The following ATP6V1H variants were observed in gnomAD, a reference collection of about 807,000 sequenced individuals.
The protein encoded by ATP6V1H is V-type proton ATPase subunit H.
A neutral mutation model predicts 71.7 loss-of-function variants in ATP6V1H; 39 were observed. That is an observed-to-expected ratio of 0.54 (90% confidence interval 0.42 to 0.71). The LOEUF is 0.71. Ranked by LOEUF, ATP6V1H falls within the 30% of genes least tolerant of loss-of-function variation. The probability of loss-of-function intolerance (pLI) is 0.00; values close to 1 mark genes in which losing one functional copy is unlikely to be tolerated. For missense variants in ATP6V1H, 509 were observed against 594.9 expected (o/e 0.86, Z 1.50); for synonymous variants, 192 against 199.3 (o/e 0.96, Z 0.31).
chr8:53,792,603 G>A (rs768766405), intron 9 of ATP6V1H, among the ~76,000 whole-genome samples: 7 of 151,950 alleles, frequency 4.6e-5, no homozygotes, highest in Non-Finnish European at 7.4e-5. Flanking sequence ...AAAATGCATC[G>A]AGACAAGAAA....
chr8:53,729,799 A>C (rs545348931), intron 13 of ATP6V1H, among the ~76,000 whole-genome samples: 2 of 152,330 alleles, frequency 1.3e-5, no homozygotes, highest in African/African-American at 4.8e-5. Context: ...GCTCTGTGGA[A>C]GTCCTTCAAA....
chr8:53,802,889 G>A (rs1269399903), intron 7 of ATP6V1H, among the ~76,000 whole-genome samples: 1 of 152,166 alleles, frequency 6.6e-6, no homozygotes, highest in African/African-American at 2.4e-5. Context: ...CAATAACATT[G>A]TCCCTTAGAA....
intron 13 of ATP6V1H, among the ~76,000 whole-genome samples, chr8:53,717,424 C>T (rs1477517205): frequency 6.6e-6 from 1 of 152,194 alleles, no homozygotes; most frequent in Non-Finnish European, 1.5e-5. Context: ...TGAAGCATCC[C>T]AGGACATGAA....
At chr8:53,812,427 C>T (rs1038633257) in intron 6 of ATP6V1H, among the ~76,000 whole-genome samples, 2 of 152,212 alleles carry the variant, frequency 1.3e-5, no homozygotes, top group African/African-American at 2.4e-5. Flanking sequence ...TTTACTTCCA[C>T]TAGTGATGAG....
intron 13 of ATP6V1H, among the ~76,000 whole-genome samples, chr8:53,734,243 G>T (rs1051234208): frequency 6.6e-6 from 1 of 152,202 alleles, no homozygotes; most frequent in African/African-American, 2.4e-5. Context: ...GTATCAGAAA[G>T]CCCTGTCGAG....
At chr8:53,788,126 T>C (rs1809441742) in intron 9 of ATP6V1H, among the ~76,000 whole-genome samples, 1 of 152,246 alleles carries the variant, frequency 6.6e-6, no homozygotes, top group South Asian at 2.1e-4. Flanking sequence ...GGCTCAATTT[T>C]AGTTCCACTG....
chr8:53,781,259 T>C (rs1809116452), intron 9 of ATP6V1H, among the ~76,000 whole-genome samples: 1 of 152,244 alleles, frequency 6.6e-6, no homozygotes. Context: ...GGTATCTCAC[T>C]GTGGTTTTGA....
intron 13 of ATP6V1H, chr8:53,739,726 T>C (rs1247211553): frequency 6.6e-6 from 1 of 152,238 alleles, no homozygotes; most frequent in African/African-American, 2.4e-5. Flanking sequence ...GTTGTCACTG[T>C]TTATATATTC....
chr8:53,748,323 G>A (rs75889571), intron 12 of ATP6V1H, among the ~76,000 whole-genome samples: 1 of 152,308 alleles, frequency 6.6e-6, no homozygotes, highest in African/African-American at 2.4e-5. Flanking sequence ...CAGTGCTGCT[G>A]AAAAGGTGGT....
intron 4 of ATP6V1H, among the ~76,000 whole-genome samples, chr8:53,827,200 T>C (rs893236501): frequency 6.6e-6 from 1 of 151,824 alleles, no homozygotes; most frequent in Non-Finnish European, 1.5e-5. Flanking sequence ...CTGGCCAACA[T>C]GGTGAAACCT....
chr8:53,776,752 G>C (rs1220414149), intron 9 of ATP6V1H, among the ~76,000 whole-genome samples: 1 of 152,312 alleles, frequency 6.6e-6, no homozygotes, highest in East Asian at 1.9e-4. Flanking sequence ...AGATGAATTA[G>C]ATGTTGGAGT....
intron 9 of ATP6V1H, among the ~76,000 whole-genome samples, chr8:53,782,089 T>G (rs996813974): frequency 6.6e-6 from 1 of 152,232 alleles, no homozygotes; most frequent in Non-Finnish European, 1.5e-5. Flanking sequence ...AAGTCATTGG[T>G]AGCTTGATGG....
At chr8:53,784,898 G>A (rs1011310014) in intron 9 of ATP6V1H, among the ~76,000 whole-genome samples, 28 of 152,066 alleles carry the variant, frequency 1.8e-4, no homozygotes, top group African/African-American at 3.1e-4. Context: ...AGTTTCTGCC[G>A]AGAGATCCAC....
chr8:53,718,549 C>G (rs1397958376), intron 13 of ATP6V1H, among the ~76,000 whole-genome samples: 2 of 152,080 alleles, frequency 1.3e-5, no homozygotes, highest in Admixed American at 1.3e-4. Flanking sequence ...ACCACCATGC[C>G]TGGCTAATTT....
At chr8:53,765,123 G>T (rs1295644083) in intron 11 of ATP6V1H, among the ~76,000 whole-genome samples, 2 of 152,050 alleles carry the variant, frequency 1.3e-5, no homozygotes, top group East Asian at 3.9e-4. Context: ...GCGGGGGAAG[G>T]CCAGGCATGG....
chr8:53,767,319 G>A (rs1479109684), intron 11 of ATP6V1H, among the ~76,000 whole-genome samples: 1 of 152,100 alleles, frequency 6.6e-6, no homozygotes, highest in Non-Finnish European at 1.5e-5. Flanking sequence ...ACTGTGTGTT[G>A]GTGGAGGTAG....
intron 13 of ATP6V1H, among the ~76,000 whole-genome samples, chr8:53,740,080 T>A (rs1807359867): frequency 6.6e-6 from 1 of 152,216 alleles, no homozygotes; most frequent in Admixed American, 6.5e-5. Flanking sequence ...AAATAAGTAT[T>A]TTCCCATTAT....
intron 9 of ATP6V1H, among the ~76,000 whole-genome samples, chr8:53,780,521 A>G (rs959817872): frequency 1.3e-5 from 2 of 152,004 alleles, no homozygotes; most frequent in East Asian, 1.9e-4. Context: ...GAAATATGTT[A>G]TATTTTTTTT....
chr8:53,754,528 G>A (rs1467052634), intron 12 of ATP6V1H, among the ~76,000 whole-genome samples: 1 of 152,182 alleles, frequency 6.6e-6, no homozygotes, highest in African/African-American at 2.4e-5. Context: ...CGAATCATCA[G>A]AGTCTACAAG....
Sources: allele counts gnomAD v4.1 joint callset (sites outside exome capture counted in the v4.1 genomes callset), GRCh38; gene constraint gnomAD v4.1.1; transcripts MANE v1.5; gene names NCBI Gene and HGNC (gene_info 2026-07-23, HGNC 2026-07-21).